RBM10: variants seen among roughly 807,000 people sequenced by gnomAD.
RBM10 encodes the protein RNA binding motif protein 10.
RBM10 carries 1 observed loss-of-function variant against 84.9 expected under a neutral mutation model. That is an observed-to-expected ratio of 0.01 (90% CI 0.00 to 0.06). The LOEUF (loss-of-function observed/expected upper bound fraction) is 0.06, where lower values mean the gene tolerates loss of function less well. Among genes scored for constraint, RBM10 ranks in the 10% least tolerant of loss-of-function variants. RBM10 has a pLI of 1.00. For synonymous variants in RBM10, 326 were observed against 344.5 expected (o/e 0.95, Z 0.60); for missense variants, 438 against 839.0 (o/e 0.52, Z 5.90).
rs1429601763 is a variant in RBM10 at position 47,171,106 on chromosome X, C to A, written c.280C>A (p.Pro94Thr). The stretch of plus-strand genomic sequence containing the variant: ...GCACAGGCACAGCCCCACCGGCCCG[C>A]CAGGCTTCCCCCGAGACGGCGACTA... The part of the protein sequence containing the change: ...RRHRHSPTGP[P>T]GFPRDGDYRD... The change falls in exon 4 of 24, where the codon CCA (proline) becomes ACA (threonine). Residue 94 changes from proline to threonine, a missense_variant. Transcript: ENST00000377604. 8.3e-7 allele frequency: 1 copy of A among 1,208,271 alleles called. No homozygotes were observed. The highest frequency in any genetic ancestry group is 1.1e-6 in the Non-Finnish European group (1 of 894,489).
rs936470406 is a variant in RBM10, at chrX:47,158,970, A to C, written c.18-10345A>C. On this transcript the variant is annotated intron_variant, in intron 2 of 23. Transcript: ENST00000377604. ...CAGGTGGCTTAGGATAACAGCCTCCAGCTCCATCTATATGGCTGTGAAGGA... is the reference window on the plus strand; with the variant it reads ...CAGGTGGCTTAGGATAACAGCCTCCCGCTCCATCTATATGGCTGTGAAGGA... Among the ~76,000 whole-genome samples the C allele has an allele frequency of 8.9e-5, 10 of 112,832 alleles. No individual in the cohort carries two copies. The East Asian group carries it at 2.8e-3, about 31-fold the overall frequency.
rs2147198801 is a variant in RBM10 at position 47,182,225 on chromosome X, C to T, written c.1849C>T (p.Pro617Ser). 1 of 1,212,076 alleles carries T rather than the reference C, an allele frequency of 8.3e-7. No individual in the cohort carries two copies. Reference sequence around the variant, plus strand: ...GGATGGGGAGAGGCGGACCTATGTTCCCGCCCTGGAGCAGTCGGCCGACGG... The same window carrying T: ...GGATGGGGAGAGGCGGACCTATGTTTCCGCCCTGGAGCAGTCGGCCGACGG... ...YWDGERRTYV[P>S]ALEQSADGHK... The change falls in exon 17 of 24, where the codon CCC (proline) becomes TCC (serine). Residue 617 changes from proline to serine, a missense_variant. Coordinates refer to ENST00000377604, the MANE Select transcript of RBM10 (RefSeq NM_005676.5).
chrX:47,158,979 T>C (rs1283990616), intron 2 of RBM10, among the ~76,000 whole-genome samples: 2 of 112,849 alleles, frequency 1.8e-5, no homozygotes, highest in African/African-American at 3.2e-5. Context: ...CAGCTCCATC[T>C]ATATGGCTGT....
intron 2 of RBM10, among the ~76,000 whole-genome samples, chrX:47,159,824 A>T (rs1172603641): frequency 3.6e-5 from 4 of 111,845 alleles, no homozygotes; most frequent in African/African-American, 1.3e-4. Context: ...AAAAATTAAG[A>T]TGTAAGACCT....
intron 2 of RBM10, among the ~76,000 whole-genome samples, chrX:47,167,610 C>T (rs1156629606): frequency 1.8e-5 from 2 of 111,836 alleles, no homozygotes; most frequent in African/African-American, 6.5e-5. Flanking sequence ...GTGATCTGCC[C>T]ACCTCGGCCT....
At chrX:47,175,738 G>T (rs1247038528) in intron 6 of RBM10, among the ~76,000 whole-genome samples, 1 of 111,059 alleles carries the variant, frequency 9.0e-6, no homozygotes, top group Non-Finnish European at 1.9e-5. Context: ...TGTCTTCTCG[G>T]CAAGGACCTG....
chrX:47,173,083 G>GT (rs1556774226), intron 4 of RBM10, 45 bp from the exon 5 acceptor site: 1 of 1,211,040 alleles, frequency 8.3e-7, no homozygotes, highest in Admixed American at 2.2e-5. Context: ...GTACCCAGCG[G>GT]CCCCATTGTG....
At chrX:47,152,127 G>A (rs1168106785) in intron 2 of RBM10, among the ~76,000 whole-genome samples, 8 of 112,077 alleles carry the variant, frequency 7.1e-5, no homozygotes, top group Non-Finnish European at 1.5e-4. Context: ...CATGAGAATC[G>A]CTTGAACCTG....
chrX:47,145,650 T>G (rs1163196274), intron 1 of RBM10, 165 bp downstream of exon 1: 28 of 479,005 alleles, frequency 5.8e-5, no homozygotes, highest in Non-Finnish European at 7.4e-5. Context: ...TTTTTTTTTT[T>G]TTTTTTTTTT....
At chrX:47,152,736 C>T (rs782588523) in intron 2 of RBM10, among the ~76,000 whole-genome samples, 20 of 105,351 alleles carry the variant, frequency 1.9e-4, no homozygotes, top group African/African-American at 6.3e-4. Flanking sequence ...CGTGAGCTAC[C>T]GCGCCTGGCC....
intron 2 of RBM10, among the ~76,000 whole-genome samples, chrX:47,158,818 C>A (rs952951937): frequency 3.6e-5 from 4 of 112,175 alleles, no homozygotes; most frequent in African/African-American, 9.7e-5. Context: ...CCCATGCCCC[C>A]CTTCCCACCT....
In RBM10 at chrX:47,180,447, A is replaced by G; in HGVS notation, c.1189A>G (p.Ile397Val). Residue 397 changes from isoleucine to valine, a missense_variant, in exon 12 of 24, where the codon ATC becomes GTC. This residue lies in a region of RBM10 where 33 missense variants were observed against 115.0 expected (regional missense o/e 0.29). Transcript: ENST00000377604. ...RDMASNEGSRISAASVASTAI... is the reference protein window; with the variant it reads ...RDMASNEGSRVSAASVASTAI... Reference sequence around the variant, plus strand: ...CATGGCCTCCAATGAAGGCAGTCGCATCAGTGCTGCCTCTGTGGCCAGCAC... The same window carrying G: ...CATGGCCTCCAATGAAGGCAGTCGCGTCAGTGCTGCCTCTGTGGCCAGCAC... 1 of 1,207,435 alleles carries G rather than the reference A, an allele frequency of 8.3e-7. No homozygotes were observed. Among genetic ancestry groups the G allele is most frequent in the Non-Finnish European group, 1.1e-6 (1 of 894,128 alleles).
chrX:47,173,889 A>ATCTCTCTC (rs537480494), intron 5 of RBM10, among the ~76,000 whole-genome samples: 472 of 38,582 alleles, frequency 0.012, 10 homozygotes, highest in South Asian at 0.027. Flanking sequence ...CCACACCTCC[A>ATCTCTCTC]TCTCTCTCTC....
rs368569110 is a variant in RBM10, at chrX:47,181,731, G to T, written c.1576-18G>T. ...GGCAGACACTGAGCCCTGTTCTCCTGTCTGGCCCCATGACCAGTCGTATAC... is the reference window on the plus strand; with the variant it reads ...GGCAGACACTGAGCCCTGTTCTCCTTTCTGGCCCCATGACCAGTCGTATAC... On this transcript the variant is annotated intron_variant, in intron 14 of 23. Coordinates refer to ENST00000377604, the MANE Select transcript of RBM10 (RefSeq NM_005676.5). The T allele has an allele frequency of 2.5e-6, 3 of 1,208,656 alleles. No individual in the cohort carries two copies. The African/African-American group carries it at 5.3e-5, about 21-fold the overall frequency.
Position 47,145,356 on chromosome X carries a change from C to T in RBM10, c.-255C>T, listed in dbSNP as rs1007920530. 1.7e-4 allele frequency: 172 copies of T among 984,565 alleles called. 1 individual carries two copies. The highest frequency in any genetic ancestry group is 2.6e-4 in the Middle Eastern group (1 of 3,801). The allele number at this position is 984,565 out of a possible 1,213,427, so 81.1% of individuals were successfully genotyped here. ...CGCGCTTGGCGCTTCTCCCCTCCCC[C>T]CGATCTGCCTCCAGTCTCGGACTTG... On this transcript the variant is annotated 5_prime_UTR_variant, in exon 1 of 24. Transcript: ENST00000377604.
At chrX:47,184,744 A>G (rs900520932) in intron 17 of RBM10, among the ~76,000 whole-genome samples, 1 of 111,388 alleles carries the variant, frequency 9.0e-6, no homozygotes, top group African/African-American at 3.3e-5. Context: ...AGGAGTAGCC[A>G]GGTGCCAAGT....
At chrX:47,148,522 G>A (rs1292131284) in intron 2 of RBM10, among the ~76,000 whole-genome samples, 1 of 110,665 alleles carries the variant, frequency 9.0e-6, no homozygotes, top group Non-Finnish European at 1.9e-5. Flanking sequence ...CTCTTGTCAT[G>A]TTTATTTTTT....
intron 1 of RBM10, among the ~76,000 whole-genome samples, chrX:47,145,949 G>T (rs1203383366): frequency 9.5e-6 from 1 of 105,644 alleles, no homozygotes; most frequent in Non-Finnish European, 1.9e-5. Context: ...ACCCTTTGAG[G>T]GGGGGCGGTC....
intron 3 of RBM10, among the ~76,000 whole-genome samples, chrX:47,170,727 G>A (rs782373302): frequency 1.8e-5 from 2 of 112,362 alleles, no homozygotes; most frequent in Non-Finnish European, 3.8e-5. Context: ...AGGCCATCTT[G>A]CCCCAAGGAG....
Sources: gnomAD v4.1 joint callset for allele counts (sites outside exome capture counted in the v4.1 genomes callset) on GRCh38, gnomAD v4.1.1 for gene constraint, gnomAD v4.1.1 regional missense constraint, MANE v1.5 for transcripts, NCBI Gene and HGNC (gene_info 2026-07-23, HGNC 2026-07-21) for gene names.